The following CSMD3 variants were observed in gnomAD, a reference collection of about 807,000 sequenced individuals.
CSMD3 encodes CUB and sushi domain-containing protein 3.
CSMD3 carries 177 observed loss-of-function variants against 435.2 expected under a neutral mutation model. The ratio of observed to expected loss-of-function variants is 0.41; its 90% CI spans 0.36 to 0.46. The LOEUF (loss-of-function observed/expected upper bound fraction) is 0.46, where lower values mean the gene tolerates loss of function less well. CSMD3 is among the 20% of genes least tolerant of loss of function. The pLI is 0.34. For missense variants in CSMD3, 4,265 were observed against 4,504.6 expected (o/e 0.95, Z 1.52); for synonymous variants, 1,656 against 1,520.5 (o/e 1.09, Z -2.07).
At chr8:113,267,792 C>A (rs79902625) in intron 3 of CSMD3, among the ~76,000 whole-genome samples, 2 of 151,402 alleles carry the variant, frequency 1.3e-5, no homozygotes, top group African/African-American at 4.8e-5. Context: ...AGATTTCACA[C>A]GTATCTCATG....
At chr8:113,314,368 T>C (rs1015403677) in intron 2 of CSMD3, 18 of 562,016 alleles carry the variant, frequency 3.2e-5, no homozygotes, top group East Asian at 1.8e-4. Flanking sequence ...TTGTGAGACA[T>C]AGTATTAATG....
At chr8:112,658,103 A>G (rs1047322759) in intron 17 of CSMD3, among the ~76,000 whole-genome samples, 9 of 152,344 alleles carry the variant, frequency 5.9e-5, no homozygotes, top group Non-Finnish European at 1.3e-4. Flanking sequence ...TGGATGCTTT[A>G]GTATTAACCA....
At chr8:112,878,289 G>A (rs2081346706) in intron 10 of CSMD3, among the ~76,000 whole-genome samples, 1 of 152,012 alleles carries the variant, frequency 6.6e-6, no homozygotes, top group Non-Finnish European at 1.5e-5. Context: ...AAGAAGACAT[G>A]TATGCAGCCA....
intron 1 of CSMD3, among the ~76,000 whole-genome samples, chr8:113,423,188 T>C (rs1220899961): frequency 2.0e-5 from 3 of 152,140 alleles, no homozygotes; most frequent in Non-Finnish European, 4.4e-5. Context: ...TGTGGAATCA[T>C]GTCAGACCTC....
chr8:112,451,721 A>G (rs1342824989), intron 32 of CSMD3, among the ~76,000 whole-genome samples: 1 of 152,010 alleles, frequency 6.6e-6, no homozygotes, highest in Admixed American at 6.6e-5. Context: ...TACATTTAGT[A>G]GAGACGGGTT....
chr8:113,339,453 A>G (rs1478588183), intron 1 of CSMD3, among the ~76,000 whole-genome samples: 1 of 151,990 alleles, frequency 6.6e-6, no homozygotes, highest in African/African-American at 2.4e-5. Context: ...AAAAAAATGC[A>G]TTAAGTTATT....
chr8:113,145,863 G>C (rs968063401), intron 4 of CSMD3, among the ~76,000 whole-genome samples: 1 of 151,398 alleles, frequency 6.6e-6, no homozygotes, highest in South Asian at 2.1e-4. Flanking sequence ...ACTGCTGTTG[G>C]CCACACAGGC....
chr8:112,687,249 AATG>A (rs1400912728), intron 14 of CSMD3, among the ~76,000 whole-genome samples: 7 of 151,936 alleles, frequency 4.6e-5, no homozygotes, highest in African/African-American at 1.4e-4. Context: ...TGATAAGAAA[AATG>A]ATAACTCATT....
At chr8:112,863,257 G>T (rs2080876046) in intron 10 of CSMD3, among the ~76,000 whole-genome samples, 1 of 151,794 alleles carries the variant, frequency 6.6e-6, no homozygotes, top group Non-Finnish European at 1.5e-5. Flanking sequence ...ACTCAAGAAA[G>T]ATTTTCTTCA....
intron 3 of CSMD3, among the ~76,000 whole-genome samples, chr8:113,228,962 T>C (rs575618255): frequency 1.3e-5 from 2 of 151,748 alleles, no homozygotes; most frequent in African/African-American, 4.8e-5. Flanking sequence ...CTTAAATATC[T>C]AAGTACATAA....
At chr8:113,026,828 T>G (rs927926750) in intron 5 of CSMD3, among the ~76,000 whole-genome samples, 3 of 152,180 alleles carry the variant, frequency 2.0e-5, no homozygotes, top group Non-Finnish European at 4.4e-5. Flanking sequence ...TGGCTAAAAT[T>G]TATATTTTTG....
At chr8:113,230,349 A>T (rs2093071529) in intron 3 of CSMD3, among the ~76,000 whole-genome samples, 1 of 151,434 alleles carries the variant, frequency 6.6e-6, no homozygotes, top group Admixed American at 6.6e-5. Context: ...ATTTCCTTTC[A>T]GTTTTAGAAT....
At chr8:112,821,760 T>C (rs904200614) in intron 12 of CSMD3, among the ~76,000 whole-genome samples, 1 of 152,210 alleles carries the variant, frequency 6.6e-6, no homozygotes, top group African/African-American at 2.4e-5. Flanking sequence ...CCTGGCTTTC[T>C]TCTAGAGATT....
At chr8:112,337,407 G>A in intron 43 of CSMD3, 136 bp downstream of exon 43, 2 of 730,368 alleles carry the variant, frequency 2.7e-6, no homozygotes, top group South Asian at 3.1e-5. Context: ...AGAGCCTTAG[G>A]GGTTTAAAAA....
chr8:113,355,749 T>TATATATATATATATACAC (rs1357514892), intron 1 of CSMD3, among the ~76,000 whole-genome samples: 39 of 81,312 alleles, frequency 4.8e-4, no homozygotes, highest in African/African-American at 1.9e-3. Flanking sequence ...TATATATATA[T>TATATATATATATATACAC]ACACACACAC....
chr8:113,001,880 T>C (rs2085877024), intron 6 of CSMD3, among the ~76,000 whole-genome samples: 1 of 152,148 alleles, frequency 6.6e-6, no homozygotes, highest in African/African-American at 2.4e-5. Flanking sequence ...CTTAGCAAAG[T>C]ACATAGTACA....
chr8:112,909,800 A>G (rs771176493), intron 10 of CSMD3, among the ~76,000 whole-genome samples: 1 of 151,810 alleles, frequency 6.6e-6, no homozygotes, highest in Non-Finnish European at 1.5e-5. Context: ...CTCGTAATAC[A>G]TGATAAGTAT....
intron 1 of CSMD3, among the ~76,000 whole-genome samples, chr8:113,398,253 C>T (rs536726860): frequency 6.6e-6 from 1 of 152,228 alleles, no homozygotes; most frequent in Admixed American, 6.5e-5. Flanking sequence ...TATTAATTTT[C>T]TTTTCCCAAG....
At chr8:112,387,135 A>T (rs1313852215) in intron 36 of CSMD3, among the ~76,000 whole-genome samples, 2 of 152,208 alleles carry the variant, frequency 1.3e-5, no homozygotes, top group Non-Finnish European at 2.9e-5. Flanking sequence ...ATAAACAAAC[A>T]AACAAATGAA....
Sources: gnomAD v4.1 joint callset for allele counts (sites outside exome capture counted in the v4.1 genomes callset) on GRCh38, gnomAD v4.1.1 for gene constraint, MANE v1.5 for transcripts, NCBI Gene and HGNC (gene_info 2026-07-23, HGNC 2026-07-21) for gene names.